Variants in DNAH14 observed in about 807,000 individuals in gnomAD.
DNAH14 encodes the protein axonemal beta dynein heavy chain 14.
Under a neutral mutation model 520.9 loss-of-function variants are expected in DNAH14, and 478 were observed. That is an observed-to-expected ratio of 0.92 (90% CI 0.85 to 0.99). DNAH14 has a LOEUF of 0.99. Ranked by LOEUF, DNAH14 falls within the 50% of genes least tolerant of loss-of-function variation. The pLI is 0.00. For synonymous variants in DNAH14, 1,581 were observed against 1,757.2 expected (o/e 0.90, Z 2.51); for missense variants, 4,831 against 5,234.5 (o/e 0.92, Z 2.38).
chr1:225,276,633 T>A (rs1397307838), intron 53 of DNAH14, among the ~76,000 whole-genome samples: 2 of 152,034 alleles, frequency 1.3e-5, no homozygotes, highest in Non-Finnish European at 2.9e-5. Context: ...TGTGGTGGCT[T>A]GTGCCTATAA....
chr1:225,300,563 T>G (rs961492421), intron 55 of DNAH14, among the ~76,000 whole-genome samples: 1 of 152,066 alleles, frequency 6.6e-6, no homozygotes, highest in African/African-American at 2.4e-5. Context: ...TAGCCAAGCA[T>G]GGTGGCATGC....
At chr1:224,984,948 C>A (rs1275454947) in intron 8 of DNAH14, among the ~76,000 whole-genome samples, 4 of 151,972 alleles carry the variant, frequency 2.6e-5, no homozygotes, top group Non-Finnish European at 4.4e-5. Context: ...TGCCCACAAT[C>A]AAAAAATCAA....
intron 2 of DNAH14, 129 bp downstream of exon 2, chr1:224,952,908 GT>G: frequency 1.6e-6 from 1 of 628,134 alleles, no homozygotes; most frequent in Non-Finnish European, 2.4e-6. Flanking sequence ...TGATTCTAGA[GT>G]TTAGAAAACC....
chr1:224,982,831 C>T (rs1427005981), intron 8 of DNAH14, among the ~76,000 whole-genome samples: 1 of 152,138 alleles, frequency 6.6e-6, no homozygotes, highest in Non-Finnish European at 1.5e-5. Context: ...GATACAATTT[C>T]AGTTTTCTTA....
At chr1:225,116,728 G>A (rs543853179) in intron 23 of DNAH14, among the ~76,000 whole-genome samples, 1 of 152,288 alleles carries the variant, frequency 6.6e-6, no homozygotes, top group South Asian at 2.1e-4. Flanking sequence ...ACTTTTGATG[G>A]AAAATAATAA....
chr1:225,023,015 C>T (rs896587230), intron 10 of DNAH14, among the ~76,000 whole-genome samples: 3 of 152,052 alleles, frequency 2.0e-5, no homozygotes, highest in African/African-American at 7.2e-5. Flanking sequence ...CACATATCTT[C>T]ACATATAAGT....
chr1:225,202,491 G>A (rs1412158090), intron 38 of DNAH14, among the ~76,000 whole-genome samples: 1 of 152,082 alleles, frequency 6.6e-6, no homozygotes, highest in Non-Finnish European at 1.5e-5. Flanking sequence ...GCAGTCACAG[G>A]CCTCACCCAG....
At chr1:225,193,952 C>T (rs868621252) in intron 38 of DNAH14, among the ~76,000 whole-genome samples, 4 of 151,844 alleles carry the variant, frequency 2.6e-5, no homozygotes, top group South Asian at 2.1e-4. Context: ...TTCACCGTAG[C>T]CACAAAAAAG....
chr1:225,005,739 GA>G (rs756737252), intron 9 of DNAH14, among the ~76,000 whole-genome samples: 2 of 151,990 alleles, frequency 1.3e-5, no homozygotes, highest in Non-Finnish European at 2.9e-5. Flanking sequence ...ATTTATTAAT[GA>G]AAATGTATTT....
At chr1:225,246,469 G>A (rs142772294) in intron 43 of DNAH14, among the ~76,000 whole-genome samples, 175 of 151,910 alleles carry the variant, frequency 1.2e-3, no homozygotes, top group African/African-American at 4.1e-3. Context: ...AAAATTTTGC[G>A]ATCTATCCAT....
At chr1:225,171,895 G>A (rs1005086189) in intron 36 of DNAH14, among the ~76,000 whole-genome samples, 3 of 152,130 alleles carry the variant, frequency 2.0e-5, no homozygotes, top group East Asian at 1.9e-4. Context: ...GAATCCAGCA[G>A]CACATCAAAA....
At chr1:225,302,415 T>C (rs1316074967) in intron 56 of DNAH14, among the ~76,000 whole-genome samples, 2 of 152,300 alleles carry the variant, frequency 1.3e-5, no homozygotes, top group African/African-American at 4.8e-5. Context: ...AGCTTTACTA[T>C]ATTTATTTGA....
intron 27 of DNAH14, among the ~76,000 whole-genome samples, chr1:225,130,823 T>C (rs1344396660): frequency 6.6e-6 from 1 of 151,032 alleles, no homozygotes; most frequent in Non-Finnish European, 1.5e-5. Flanking sequence ...AGTATAATAA[T>C]AATAATAATA....
intron 25 of DNAH14, among the ~76,000 whole-genome samples, chr1:225,118,820 T>TTGCAC (rs2077065850): frequency 6.7e-6 from 1 of 149,306 alleles, no homozygotes; most frequent in South Asian, 2.1e-4. Flanking sequence ...GAGGTGGAGG[T>TTGCAC]TGCAGTGACC....
intron 10 of DNAH14, among the ~76,000 whole-genome samples, chr1:225,015,135 G>T (rs539577458): frequency 6.6e-6 from 1 of 152,066 alleles, no homozygotes; most frequent in Admixed American, 6.5e-5. Context: ...TTCGGTTTTT[G>T]TTTACGTGGA....
intron 25 of DNAH14, among the ~76,000 whole-genome samples, chr1:225,118,362 T>C (rs1219324592): frequency 6.6e-6 from 1 of 152,204 alleles, no homozygotes; most frequent in African/African-American, 2.4e-5. Flanking sequence ...GAGTTGTTGA[T>C]GCTACTCCCA....
chr1:225,272,925 A>T (rs752068589), intron 51 of DNAH14, 30 bp from the exon 52 acceptor site: 141 of 1,494,858 alleles, frequency 9.4e-5, no homozygotes, highest in Middle Eastern at 5.3e-4. Context: ...AATTTTTTTT[A>T]AAAAAACGTT....
At chr1:225,106,630 T>C (rs2076071254) in intron 23 of DNAH14, among the ~76,000 whole-genome samples, 1 of 152,224 alleles carries the variant, frequency 6.6e-6, no homozygotes, top group Non-Finnish European at 1.5e-5. Flanking sequence ...TTCATTCATT[T>C]GATCTTCCAT....
At position 225,043,074 on chromosome 1, in the gene DNAH14, A is replaced by C; in HGVS notation, c.1728A>C (p.Lys576Asn). The C allele has an allele frequency of 1.9e-6, 3 of 1,551,372 alleles. No individual in the cohort carries two copies. Among genetic ancestry groups the C allele is most frequent in the Non-Finnish European group, 2.6e-6 (3 of 1,146,954 alleles). The change falls in exon 13 of 86, where the codon AAA becomes AAC. Residue 576 changes from lysine to asparagine, a missense_variant. Lys to Asn is a moderately conservative substitution (Grantham distance 94). Coordinates refer to ENST00000682510, the MANE Select transcript of DNAH14 (RefSeq NM_001367479.1). ...SSEELLPKAK[K>N]SKEISYNLED... ...AAGAATTGCTCCCAAAAGCCAAGAA[A>C]TCAAAAGAAATTAGTTACAATCTTG...
Sources: allele counts gnomAD v4.1 joint callset (sites outside exome capture counted in the v4.1 genomes callset), GRCh38; gene constraint gnomAD v4.1.1; transcripts MANE v1.5; gene names NCBI Gene and HGNC (gene_info 2026-07-23, HGNC 2026-07-21).